Variants in SNTG2 observed in about 807,000 individuals in gnomAD.
SNTG2 encodes the protein syntrophin gamma 2, also known as gamma-2-syntrophin.
A neutral mutation model predicts 70.9 loss-of-function variants in SNTG2; 74 were observed. The ratio of observed to expected loss-of-function variants is 1.04; its 90% confidence interval spans 0.86 to 1.27. The LOEUF (loss-of-function observed/expected upper bound fraction) is 1.27. Among genes scored for constraint, SNTG2 ranks in the 50% most tolerant of loss-of-function variants. The pLI is 0.00. For missense variants in SNTG2, 717 were observed against 690.7 expected (o/e 1.04, Z -0.43); for synonymous variants, 278 against 273.8 (o/e 1.02, Z -0.15).
chr2:1,125,411 C>CT (rs1667637332), intron 4 of SNTG2, among the ~76,000 whole-genome samples: 2 of 152,094 alleles, frequency 1.3e-5, no homozygotes, highest in South Asian at 4.1e-4. Context: ...CCTCTTGCTT[C>CT]TTCCCTCTCC....
intron 14 of SNTG2, among the ~76,000 whole-genome samples, chr2:1,272,045 G>A (rs1456748194): frequency 1.3e-5 from 2 of 152,114 alleles, no homozygotes; most frequent in East Asian, 1.9e-4. Flanking sequence ...GCCAGGGACC[G>A]GTTTTGTGAA....
intron 16 of SNTG2, among the ~76,000 whole-genome samples, chr2:1,335,210 T>C (rs1160058647): frequency 6.6e-6 from 1 of 152,188 alleles, no homozygotes; most frequent in African/African-American, 2.4e-5. Context: ...TGGCTTTCCA[T>C]GTGACAGATG....
chr2:1,033,708 A>G (rs2148040404), intron 1 of SNTG2, among the ~76,000 whole-genome samples: 1 of 152,268 alleles, frequency 6.6e-6, no homozygotes, highest in Middle Eastern at 3.4e-3. Flanking sequence ...TTGGAGTAGA[A>G]GTTCCCTGTG....
chr2:1,209,344 G>C (rs772188612), intron 9 of SNTG2, 114 bp downstream of exon 9: 43 of 1,268,170 alleles, frequency 3.4e-5, no homozygotes, highest in Non-Finnish European at 4.7e-5. Context: ...GCAAGTGTGC[G>C]TGCTGTCTTC....
chr2:951,727 T>A lies in SNTG2; in HGVS notation c.72+659T>A, dbSNP rs543750345. ...TGTTGGCCCAAAGAAAAACGAAAAG[T>A]TCTTGGAAACCTTCAAGTTGCCACC... On this transcript the variant is annotated intron_variant, in intron 1 of 16. Transcript: ENST00000308624. Among the ~76,000 whole-genome samples the A allele has an allele frequency of 1.9e-4, 29 of 152,296 alleles. 1 individual carries two copies. The highest frequency in any genetic ancestry group is 6.3e-4 in the African/African-American group (26 of 41,574).
rs1661470929 is a variant in SNTG2, at chr2:1,366,168, C to T, written c.1489-1175C>T. On this transcript the variant is annotated intron_variant, in intron 16 of 16. Transcript: ENST00000308624. Reference sequence around the variant, plus strand: ...AATAGGATGTCAATCAATTAGCAGTCACCTCAAAATAAATTTTATTTTCTT... The same window carrying T: ...AATAGGATGTCAATCAATTAGCAGTTACCTCAAAATAAATTTTATTTTCTT... Among the ~76,000 whole-genome samples, 4 of 152,276 alleles carry T rather than the reference C, an allele frequency of 2.6e-5. No homozygotes were observed. The South Asian group carries it at 8.3e-4, about 32-fold the overall frequency.
At chr2:1,120,127 T>C (rs1357060809) in intron 4 of SNTG2, among the ~76,000 whole-genome samples, 2 of 152,156 alleles carry the variant, frequency 1.3e-5, no homozygotes, top group African/African-American at 2.4e-5. Context: ...GAAAATGGTA[T>C]TGATCATTCT....
intron 4 of SNTG2, among the ~76,000 whole-genome samples, chr2:1,135,916 T>C (rs1009853723): frequency 6.6e-6 from 1 of 152,172 alleles, no homozygotes; most frequent in African/African-American, 2.4e-5. Flanking sequence ...ATCCCTATAC[T>C]GTTAGACAAG....
chr2:1,337,550 T>C (rs1386812024), intron 16 of SNTG2, among the ~76,000 whole-genome samples: 1 of 152,176 alleles, frequency 6.6e-6, no homozygotes, highest in Non-Finnish European at 1.5e-5. Context: ...GTTGTTGTTG[T>C]TGCTGATTTA....
chr2:1,206,920 CAGAT>C (rs1376795287), intron 8 of SNTG2, among the ~76,000 whole-genome samples: 4 of 152,174 alleles, frequency 2.6e-5, no homozygotes, highest in African/African-American at 7.2e-5. Flanking sequence ...CTTCTGCAAA[CAGAT>C]AGCACACTGT....
intron 1 of SNTG2, 129 bp downstream of exon 1, chr2:951,197 G>C: frequency 8.9e-6 from 4 of 450,718 alleles, no homozygotes; most frequent in Non-Finnish European, 1.1e-5. Context: ...CTCCGGGGAC[G>C]GCTGGCCGGA....
intron 12 of SNTG2, among the ~76,000 whole-genome samples, chr2:1,250,737 TTCTC>T (rs1386063269): frequency 2.6e-5 from 4 of 152,112 alleles, no homozygotes; most frequent in East Asian, 1.9e-4. Flanking sequence ...CTCTTTGTCT[TTCTC>T]TCTGTCTCTC....
chr2:1,297,028 T>C (rs901028823), intron 14 of SNTG2, among the ~76,000 whole-genome samples: 1 of 152,152 alleles, frequency 6.6e-6, no homozygotes, highest in Non-Finnish European at 1.5e-5. Context: ...GCACCAGCTC[T>C]ATGTGCTGGG....
At chr2:1,288,246 T>A (rs1558181064) in intron 14 of SNTG2, among the ~76,000 whole-genome samples, 1 of 152,174 alleles carries the variant, frequency 6.6e-6, no homozygotes, top group Non-Finnish European at 1.5e-5. Flanking sequence ...CAGACAATTC[T>A]CTGTGCACAG....
At chr2:1,015,693 G>T (rs1463672423) in intron 1 of SNTG2, among the ~76,000 whole-genome samples, 2 of 152,208 alleles carry the variant, frequency 1.3e-5, no homozygotes. Flanking sequence ...CCCAAATGTT[G>T]CCTAGTTTAG....
At chr2:1,014,664 C>CAG (rs557598761) in intron 1 of SNTG2, among the ~76,000 whole-genome samples, 2 of 137,190 alleles carry the variant, frequency 1.5e-5, no homozygotes, top group African/African-American at 2.8e-5. Context: ...TTTATATGGG[C>CAG]AGAGAGAAGG....
intron 6 of SNTG2, chr2:1,158,308 T>C (rs532267168): frequency 1.5e-5 from 2 of 135,120 alleles, no homozygotes; most frequent in South Asian, 2.1e-4. Flanking sequence ...TAGAAAATTA[T>C]TATTTTTTAA....
chr2:1,074,171 G>T (rs543970618), intron 1 of SNTG2, among the ~76,000 whole-genome samples: 1 of 152,174 alleles, frequency 6.6e-6, no homozygotes, highest in African/African-American at 2.4e-5. Context: ...GCTGCCTCCC[G>T]GCAGCTGCAG....
rs183488107 is a variant in SNTG2 at position 1,198,761 on chromosome 2, T to C, written c.592-10342T>C. 1.6e-3 allele frequency among the ~76,000 whole-genome samples: 245 copies of C among 152,118 alleles called. 2 individuals carry two copies. Among genetic ancestry groups the C allele is most frequent in the African/African-American group, 5.6e-3 (233 of 41,516 alleles). The stretch of plus-strand genomic sequence containing the variant: ...TCATCAGAGACTATTAACCACTATA[T>C]GCTAGCAAATTGGAAAACAGAGACA... On this transcript the variant is annotated intron_variant, in intron 8 of 16. Transcript: ENST00000308624.
Sources: allele counts gnomAD v4.1 joint callset (sites outside exome capture counted in the v4.1 genomes callset), GRCh38; gene constraint gnomAD v4.1.1; transcripts MANE v1.5; gene names NCBI Gene and HGNC (gene_info 2026-07-23, HGNC 2026-07-21).